Variants in CLCF1 observed in about 807,000 individuals in gnomAD.
CLCF1 encodes the protein cardiotrophin like cytokine factor 1.
A neutral mutation model predicts 21.2 loss-of-function variants in CLCF1; 10 were observed. The ratio of observed to expected loss-of-function variants is 0.47; its 90% CI spans 0.29 to 0.80. The LOEUF (loss-of-function observed/expected upper bound fraction) is 0.80, where lower values mean the gene tolerates loss of function less well. Among genes scored for constraint, CLCF1 ranks in the 30% least tolerant of loss-of-function variants. The pLI is 0.09. For synonymous variants in CLCF1, 115 were observed against 120.5 expected (o/e 0.95, Z 0.30); for missense variants, 240 against 293.4 (o/e 0.82, Z 1.33).
At chr11:67,370,327 C>T in intron 1 of CLCF1, 3 of 985,336 alleles carry the variant, frequency 3.0e-6, no homozygotes, top group Non-Finnish European at 3.6e-6. Context: ...CTCCCTCAGG[C>T]TCATGTTGTG....
intron 1 of CLCF1, chr11:67,368,002 T>C: frequency 1.0e-6 from 1 of 980,408 alleles, no homozygotes; most frequent in Non-Finnish European, 1.2e-6. Flanking sequence ...TGTGTTCCAG[T>C]TGTACCCTAG....
Position 67,373,560 on chromosome 11 carries a change from C to T in CLCF1, c.-21G>A. The T allele has an allele frequency of 7.3e-7, 1 of 1,377,168 alleles. No homozygotes were observed. Among genetic ancestry groups the T allele is most frequent in the Non-Finnish European group, 9.4e-7 (1 of 1,065,312 alleles). 85.3% of individuals were successfully genotyped at this position (1,377,168 alleles called of 1,614,324 possible). A position where few individuals can be genotyped will look rare whatever the true frequency, so the allele number is the denominator to read the frequency against. ...TCCATGGGGCTGGGGCCGGGCCGGC[C>T]GGGTGCGGCTCCTCTCCCGGAGGCT... On this transcript the variant is annotated 5_prime_UTR_variant, in exon 1 of 3. Coordinates refer to ENST00000312438, the MANE Select transcript of CLCF1 (RefSeq NM_013246.3).
In CLCF1 at chr11:67,367,445, A is replaced by G; in HGVS notation, c.183+15T>C. 1 of 1,614,108 alleles carries G rather than the reference A, an allele frequency of 6.2e-7. No homozygotes were observed. Among genetic ancestry groups the G allele is most frequent in the Non-Finnish European group, 8.5e-7 (1 of 1,179,994 alleles). On this transcript the variant is annotated intron_variant, in intron 2 of 2. Transcript: ENST00000312438. ...ACTCCTCCCCAACTCCCAGATTCCT[A>G]CGCTGGATACTCACATAGGTCCCAG...
chr11:67,371,993 T>C (rs1862245747), intron 1 of CLCF1, among the ~76,000 whole-genome samples: 1 of 151,606 alleles, frequency 6.6e-6, no homozygotes, highest in African/African-American at 2.4e-5. Context: ...CGGTGGAGCG[T>C]GTGGCTCCAG....
chr11:67,370,890 A>T, intron 1 of CLCF1: 3 of 985,350 alleles, frequency 3.0e-6, no homozygotes, highest in Non-Finnish European at 3.6e-6. Flanking sequence ...TAAGCCCTAA[A>T]TGTTGCAGCC....
In CLCF1 at chr11:67,373,545, TG is replaced by T; in HGVS notation, c.-7del. 7.1e-7 allele frequency: 1 copy of T among 1,407,074 alleles called. No homozygotes were observed. Among genetic ancestry groups the T allele is most frequent in the Non-Finnish European group, 9.2e-7 (1 of 1,082,102 alleles). The allele number at this position is 1,407,074 out of a possible 1,614,324, so 87.2% of individuals were successfully genotyped here. The stretch of plus-strand genomic sequence containing the variant: ...CTACCTGCTCGGAGGTCCATGGGGC[TG>T]GGGCCGGGCCGGCCGGGTGCGGCTC... On this transcript the variant is annotated 5_prime_UTR_variant, in exon 1 of 3. Coordinates refer to ENST00000312438, the MANE Select transcript of CLCF1 (RefSeq NM_013246.3).
chr11:67,371,753 G>T (rs747308943), intron 1 of CLCF1, among the ~76,000 whole-genome samples: 1 of 152,026 alleles, frequency 6.6e-6, no homozygotes, highest in Non-Finnish European at 1.5e-5. Flanking sequence ...GGCGTGGGGG[G>T]GGAGGAGAGT....
In CLCF1 at chr11:67,365,065, G is replaced by C. The variant is rs1167676316; in HGVS notation, c.*71C>G. On this transcript the variant is annotated 3_prime_UTR_variant, in exon 3 of 3. Coordinates refer to ENST00000312438, the MANE Select transcript of CLCF1 (RefSeq NM_013246.3). This position sits in a 1 kb window ranked among gnomAD's most constrained non-coding sequence, Gnocchi z 5.0. ...TCTGTCTCCTGGCTCAACAGGTGTT[G>C]GCATACAGGGCTGGCTCTCACAAAG... 6.2e-7 allele frequency: 1 copy of C among 1,606,052 alleles called. No homozygotes were observed. Among genetic ancestry groups the C allele is most frequent in the African/African-American group, 1.3e-5 (1 of 74,898 alleles).
At chr11:67,373,839 C>T, upstream of CLCF1, 1 of 1,037,640 alleles carries the variant, frequency 9.6e-7, no homozygotes, top group Non-Finnish European at 1.2e-6. Flanking sequence ...TCCCACAGCA[C>T]CGAGGGGGGG....
intron 1 of CLCF1, chr11:67,368,009 C>T: frequency 1.0e-6 from 1 of 972,918 alleles, no homozygotes; most frequent in South Asian, 4.7e-5. Flanking sequence ...CAGTTGTACC[C>T]TAGCTTCCTG....
At chr11:67,373,492 G>T in intron 1 of CLCF1, 32 bp downstream of exon 1, 1 of 1,165,682 alleles carries the variant, frequency 8.6e-7, no homozygotes, top group Non-Finnish European at 1.2e-6. Context: ...TTGGCGGGGC[G>T]GGGGTCGGGG....
chr11:67,370,527 G>C (rs890731972), intron 1 of CLCF1: 4 of 911,006 alleles, frequency 4.4e-6, no homozygotes, highest in African/African-American at 3.4e-5. Context: ...TACAGCTCAC[G>C]TTTCCTGCAA....
At chr11:67,369,382 C>G (rs1862183562) in intron 1 of CLCF1, 1 of 985,278 alleles carries the variant, frequency 1.0e-6, no homozygotes, top group South Asian at 4.7e-5. Flanking sequence ...CACTCAACTG[C>G]TCCCTGGGGA....
chr11:67,370,541 C>CCCCCCACCCCCTATCCTAG, intron 1 of CLCF1: 1 of 958,338 alleles, frequency 1.0e-6, no homozygotes, highest in Non-Finnish European at 1.2e-6. Flanking sequence ...CCTGCAACAG[C>CCCCCCACCCCCTATCCTAG]CCCCCACCCC....
chr11:67,372,627 G>GGGGCGA lies in CLCF1; in HGVS notation c.16+896_16+897insTCGCCC, dbSNP rs1443957195. ...TCGCTCCTTCCCCGCGGCGGGGGCG[G>GGGGCGA]GGGCGGGGGCGGGGGCGGGGTCCGG... On this transcript the variant is annotated intron_variant, in intron 1 of 2. Coordinates refer to ENST00000312438, the MANE Select transcript of CLCF1 (RefSeq NM_013246.3). This position sits in a 1 kb window ranked among gnomAD's most constrained non-coding sequence, Gnocchi z 5.9. 2.0e-5 allele frequency among the ~76,000 whole-genome samples: 3 copies of GGGGCGA among 148,480 alleles called. No homozygotes were observed. Among genetic ancestry groups the GGGGCGA allele is most frequent in the Non-Finnish European group, 4.5e-5 (3 of 66,554 alleles).
Position 67,367,637 on chromosome 11 carries a change from G to T in CLCF1, c.17-11C>A, listed in dbSNP as rs760318893. ...TCCCCCACGAGTCCCCTGTGGGCAG[G>T]ATGGACGAGAAGCATGAGCGCGGCC... On this transcript the variant is annotated splice_polypyrimidine_tract_variant and intron_variant, in intron 1 of 2. Transcript: ENST00000312438. 7.4e-6 allele frequency: 12 copies of T among 1,611,992 alleles called. No individual in the cohort carries two copies. In the Middle Eastern group the frequency reaches 5.6e-4, roughly 75 times the overall value.
rs376191009 is a variant in CLCF1 at position 67,367,604 on chromosome 11, C to T, written c.39G>A (p.Ala13=). ...LRAGDSWGML[A]CLCTVLWHLP... is the part of the protein sequence containing the mutation. Reference sequence around the variant, plus strand: ...GGTGCCAGAGCACCGTGCACAGGCACGCTAACATCCCCCACGAGTCCCCTG... The same window carrying T: ...GGTGCCAGAGCACCGTGCACAGGCATGCTAACATCCCCCACGAGTCCCCTG... The change falls in exon 2 of 3, where the codon GCG becomes GCA. Residue 13 remains alanine, a synonymous_variant. Transcript: ENST00000312438. 93 of 1,613,606 alleles carry T rather than the reference C, an allele frequency of 5.8e-5. 2 individuals carry two copies. The highest frequency in any genetic ancestry group is 5.3e-4 in the East Asian group (24 of 44,884).
At chr11:67,373,223 T>G (rs952371655) in intron 1 of CLCF1, among the ~76,000 whole-genome samples, 1 of 150,862 alleles carries the variant, frequency 6.6e-6, no homozygotes, top group Admixed American at 6.6e-5. Flanking sequence ...CGCGGGGCTC[T>G]GGGGCTGCGG....
Position 67,365,422 on chromosome 11 carries a change from C to T in CLCF1, c.392G>A (p.Arg131His), listed in dbSNP as rs34057094. Residue 131 changes from arginine (R) to histidine (H), a missense_variant, in exon 3 of 3, where the codon CGC becomes CAC. By Grantham distance (29) the Arg-to-His change is conservative. Transcript: ENST00000312438. This position sits in a 1 kb window ranked among gnomAD's most constrained non-coding sequence, Gnocchi z 5.0. ...NRQAATAELRRSLAHFCTSLQ... is the reference protein window; with the variant it reads ...NRQAATAELRHSLAHFCTSLQ... ...GCTGGTGCAGAAGTGGGCCAGGCTG[C>T]GGCGCAGCTCAGCAGTGGCAGCCTG... 1,474 of 1,613,428 alleles carry T rather than the reference C, an allele frequency of 9.1e-4. 5 individuals are homozygous for T. The highest frequency in any genetic ancestry group is 2.2e-3 in the Admixed American group (130 of 59,980).
Sources: gnomAD v4.1 joint callset for allele counts (sites outside exome capture counted in the v4.1 genomes callset) on GRCh38, gnomAD v4.1.1 for gene constraint, Gnocchi (gnomAD v3.1) non-coding constraint, MANE v1.5 for transcripts, NCBI Gene and HGNC (gene_info 2026-07-23, HGNC 2026-07-21) for gene names.